COL9A1: variants seen among roughly 807,000 people sequenced by gnomAD.
The protein encoded by COL9A1 is collagen alpha-1(IX) chain.
Under a neutral mutation model 142.6 loss-of-function variants are expected in COL9A1, and 104 were observed. The ratio of observed to expected loss-of-function variants is 0.73; its 90% CI spans 0.62 to 0.86. COL9A1 has a LOEUF of 0.86. COL9A1 is among the 40% of genes least tolerant of loss of function. The pLI is 0.00. For missense variants in COL9A1, 1,210 were observed against 1,176.6 expected (o/e 1.03, Z -0.42); for synonymous variants, 466 against 396.0 (o/e 1.18, Z -2.10).
chr6:70,267,065 T>C (rs1007200691), intron 17 of COL9A1, among the ~76,000 whole-genome samples: 4 of 152,206 alleles, frequency 2.6e-5, no homozygotes, highest in Non-Finnish European at 4.4e-5. Flanking sequence ...TATTCCCTAT[T>C]TCTCCAACTT....
At chr6:70,233,149 GAGTTTCTTA>G (rs549443114) in intron 35 of COL9A1, among the ~76,000 whole-genome samples, 8 of 146,772 alleles carry the variant, frequency 5.5e-5, no homozygotes, top group African/African-American at 1.9e-4. Context: ...GAAGAAAAAT[GAGTTTCTTA>G]ACATATGTGG....
At chr6:70,261,283 T>G (rs1200994428) in intron 19 of COL9A1, among the ~76,000 whole-genome samples, 2 of 152,172 alleles carry the variant, frequency 1.3e-5, no homozygotes, top group Non-Finnish European at 2.9e-5. Context: ...GAACCCATCT[T>G]AGTCATAAGA....
intron 4 of COL9A1, among the ~76,000 whole-genome samples, chr6:70,294,965 T>A (rs904585379): frequency 2.6e-5 from 4 of 152,222 alleles, no homozygotes; most frequent in Non-Finnish European, 5.9e-5. Context: ...GGAATGTAAA[T>A]CAGCTGTACT....
intron 5 of COL9A1, among the ~76,000 whole-genome samples, chr6:70,290,215 T>C (rs1773606117): frequency 6.6e-6 from 1 of 152,140 alleles, no homozygotes; most frequent in Admixed American, 6.6e-5. Context: ...CTTTGTTTTC[T>C]AATAGAGCTG....
intron 6 of COL9A1, chr6:70,283,184 A>C: frequency 1.3e-6 from 2 of 1,492,752 alleles, no homozygotes; most frequent in Non-Finnish European, 1.8e-6. Flanking sequence ...GCGGTTGCCA[A>C]AGCGTCCAGG....
rs569743763 is a variant in COL9A1 at position 70,256,813 on chromosome 6, C to G, written c.1458G>C (p.Arg486=). Residue 486 remains arginine (R), a synonymous_variant, in exon 21 of 38, where the codon CGG becomes CGC. Transcript: ENST00000357250. ...IVGDKGEKGA[R]GLDGEPGPQG... ...GAGGCCCAGGTTCACCATCTAAGCCCCGAGCACCCTGCAAAAAAACAAGAC... is the reference window on the plus strand; with the variant it reads ...GAGGCCCAGGTTCACCATCTAAGCCGCGAGCACCCTGCAAAAAAACAAGAC... The G allele has an allele frequency of 7.3e-5, 118 of 1,613,542 alleles. 1 individual carries two copies. In the South Asian group the frequency reaches 1.2e-3, roughly 16 times the overall value.
intron 10 of COL9A1, chr6:70,275,118 T>C: frequency 3.4e-6 from 1 of 297,772 alleles, no homozygotes; most frequent in Non-Finnish European, 6.3e-6. Context: ...TGGTGGGTCT[T>C]GGTTCTGCCA....
chr6:70,237,710 T>C (rs1389602806), intron 33 of COL9A1, among the ~76,000 whole-genome samples: 1 of 152,232 alleles, frequency 6.6e-6, no homozygotes, highest in Non-Finnish European at 1.5e-5. Context: ...ACTCTAAATT[T>C]TTCTCAATCC....
At chr6:70,247,566 G>A (rs749005096) in intron 28 of COL9A1, among the ~76,000 whole-genome samples, 8 of 152,128 alleles carry the variant, frequency 5.3e-5, no homozygotes, top group Admixed American at 3.9e-4. Flanking sequence ...TATATTAAGT[G>A]CCTCTCTCTG....
intron 1 of COL9A1, 38 bp downstream of exon 1, chr6:70,302,873 C>T (rs754340891): frequency 3.7e-6 from 6 of 1,612,224 alleles, no homozygotes; most frequent in Non-Finnish European, 5.1e-6. Context: ...ACCCCCAGCT[C>T]CATCTCCCCA....
intron 5 of COL9A1, among the ~76,000 whole-genome samples, chr6:70,293,547 G>C (rs896691365): frequency 2.0e-5 from 3 of 150,760 alleles, no homozygotes; most frequent in Middle Eastern, 3.4e-3. Context: ...TTTCATTCTT[G>C]TTGACCAGAC....
At chr6:70,274,147 G>T in intron 11 of COL9A1, 65 bp from the exon 12 acceptor site, 2 of 1,306,484 alleles carry the variant, frequency 1.5e-6, no homozygotes, top group Non-Finnish European at 2.2e-6. Context: ...TGTGAAAACT[G>T]CATAAATATT....
At chr6:70,270,232 G>T (rs962483933) in intron 15 of COL9A1, 82 bp downstream of exon 15, 36 of 1,384,122 alleles carry the variant, frequency 2.6e-5, no homozygotes, top group African/African-American at 8.6e-5. Flanking sequence ...TCAATTAATA[G>T]GAACTTCCAT....
intron 37 of COL9A1, among the ~76,000 whole-genome samples, chr6:70,223,001 T>C (rs979707223): frequency 6.6e-6 from 1 of 152,156 alleles, no homozygotes; most frequent in African/African-American, 2.4e-5. Context: ...TAAAAAGCAG[T>C]ATAGCCTCAG....
intron 19 of COL9A1, 108 bp downstream of exon 19, chr6:70,263,136 T>C: frequency 2.3e-6 from 2 of 856,382 alleles, no homozygotes; most frequent in Non-Finnish European, 3.7e-6. Flanking sequence ...GGACACCAAG[T>C]TCATGTAATG....
intron 26 of COL9A1, 22 bp downstream of exon 26, chr6:70,253,363 C>A (rs1235422579): frequency 6.6e-7 from 1 of 1,509,122 alleles, no homozygotes; most frequent in Non-Finnish European, 9.2e-7. Flanking sequence ...AAGATATTAA[C>A]TTAAATTTTA....
chr6:70,266,797 C>G (rs549752733), intron 17 of COL9A1, 27 bp from the exon 18 acceptor site: 1 of 1,597,148 alleles, frequency 6.3e-7, no homozygotes, highest in African/African-American at 1.3e-5. Flanking sequence ...AAGTAATTGT[C>G]TTGAGTTTGG....
At chr6:70,244,952 A>G (rs1183746952) in intron 28 of COL9A1, among the ~76,000 whole-genome samples, 1 of 152,214 alleles carries the variant, frequency 6.6e-6, no homozygotes, top group Non-Finnish European at 1.5e-5. Context: ...AGAGTCCACC[A>G]TATGTAGCAC....
chr6:70,299,213 T>A (rs1334701944), intron 4 of COL9A1, among the ~76,000 whole-genome samples: 1 of 152,132 alleles, frequency 6.6e-6, no homozygotes, highest in Non-Finnish European at 1.5e-5. Context: ...GTTCAAAATT[T>A]TTATTTTTAT....
Sources: gnomAD v4.1 joint callset for allele counts (sites outside exome capture counted in the v4.1 genomes callset) on GRCh38, gnomAD v4.1.1 for gene constraint, MANE v1.5 for transcripts, NCBI Gene and HGNC (gene_info 2026-07-23, HGNC 2026-07-21) for gene names.